ZNF7: variants seen among roughly 807,000 people sequenced by gnomAD.
ZNF7 encodes zinc finger protein 7.
ZNF7 carries 10 observed loss-of-function variants against 12.0 expected under a neutral mutation model. That is an observed-to-expected ratio of 0.83 (90% confidence interval 0.51 to 1.42). The LOEUF (loss-of-function observed/expected upper bound fraction) is 1.42, where lower values mean the gene tolerates loss of function less well. ZNF7 is among the 40% of genes most tolerant of loss of function. The probability of loss-of-function intolerance (pLI) is 0.00; values close to 1 mark genes in which losing one functional copy is unlikely to be tolerated. For synonymous variants in ZNF7, 334 were observed against 295.0 expected (o/e 1.13, Z -1.35); for missense variants, 854 against 837.2 (o/e 1.02, Z -0.25).
intron 4 of ZNF7, among the ~76,000 whole-genome samples, chr8:144,839,890 C>T (rs1053466574): frequency 2.0e-5 from 3 of 152,318 alleles, no homozygotes; most frequent in Non-Finnish European, 2.9e-5. Context: ...CTGGCATCCC[C>T]CAACAAAGCC....
intron 3 of ZNF7, chr8:144,836,113 A>C (rs1828956313): frequency 6.6e-6 from 1 of 152,246 alleles, no homozygotes; most frequent in South Asian, 2.1e-4. Flanking sequence ...TAGGAGGCTG[A>C]GGCAGGAGGA....
rs968453011 is a variant in ZNF7, at chr8:144,843,319, G to A, written c.*151G>A. 11 of 1,029,222 alleles carry A rather than the reference G, an allele frequency of 1.1e-5. No homozygotes were observed. Among genetic ancestry groups the A allele is most frequent in the Admixed American group, 3.0e-5 (1 of 33,566 alleles). The allele number at this position is 1,029,222 out of a possible 1,614,324, so 63.8% of individuals were successfully genotyped here. A position where few individuals can be genotyped will look rare whatever the true frequency, so the allele number is the denominator to read the frequency against. On this transcript the variant is annotated 3_prime_UTR_variant, in exon 5 of 5. Transcript: ENST00000532777. The stretch of plus-strand genomic sequence containing the variant: ...AATATCCAACTTCAGGCCGAGTGTG[G>A]TGGCTTATGCCTGTCATCCCAGCAC...
intron 3 of ZNF7, chr8:144,835,369 G>T (rs1828878764): frequency 6.6e-6 from 1 of 151,878 alleles, no homozygotes. Context: ...ATGCTCAGCT[G>T]TTTTTTCTTT....
intron 4 of ZNF7, among the ~76,000 whole-genome samples, chr8:144,839,098 T>C (rs1335040791): frequency 3.7e-3 from 6 of 1,638 alleles, no homozygotes; most frequent in African/African-American, 0.012. Flanking sequence ...TCCATTCATA[T>C]GCGCCTAGGG....
chr8:144,842,207 G>A lies in ZNF7; in HGVS notation c.1100G>A (p.Cys367Tyr), dbSNP rs1327956482. 4 of 1,614,162 alleles carry A rather than the reference G, an allele frequency of 2.5e-6. No individual in the cohort carries two copies. In the East Asian group the frequency reaches 6.7e-5, roughly 27 times the overall value. The change falls in exon 5 of 5, where the codon TGT becomes TAT. Residue 367 changes from cysteine to tyrosine, a missense_variant. Transcript: ENST00000532777. ...GAGAGGCCCTACCCTTGCAAGGAGT[G>A]TGGGAAGGCCTTCAGCCAGAGCTCC... Reference protein sequence around the residue: ...TGERPYPCKECGKAFSQSSTL... With the variant: ...TGERPYPCKEYGKAFSQSSTL...
In ZNF7 at chr8:144,829,461, G is replaced by GGT; in HGVS notation, c.4-10_4-9dup. 1 of 1,614,002 alleles carries GGT rather than the reference G, an allele frequency of 6.2e-7. No homozygotes were observed. Among genetic ancestry groups the GGT allele is most frequent in the Non-Finnish European group, 8.5e-7 (1 of 1,179,934 alleles). ...GGCACCCAGGGATTCCTGGGGTGCTGGTGTGTGTCCTTTCAGGAGGTGGTA... is the reference window on the plus strand; with the variant it reads ...GGCACCCAGGGATTCCTGGGGTGCTGGTGTGTGTGTCCTTTCAGGAGGTGGTA... On this transcript the variant is annotated splice_polypyrimidine_tract_variant and intron_variant, in intron 2 of 4. Transcript: ENST00000532777.
In ZNF7 at chr8:144,838,461, T is replaced by C. The variant is rs868866093; in HGVS notation, c.247+954T>C. On this transcript the variant is annotated intron_variant, in intron 4 of 4. Transcript: ENST00000532777. Reference sequence around the variant, plus strand: ...CTGCTCCCCTGCTTAGCCGGTGTGCTGCCCAGCATGACAAGGGAGATGGGT... The same window carrying C: ...CTGCTCCCCTGCTTAGCCGGTGTGCCGCCCAGCATGACAAGGGAGATGGGT... The C allele has an allele frequency of 7.7e-5, 26 of 336,582 alleles. 1 individual carries two copies. The highest frequency in any genetic ancestry group is 8.7e-4 in the Middle Eastern group (1 of 1,156). The allele number at this position is 336,582 out of a possible 1,614,324, so 20.8% of individuals were successfully genotyped here. A position where few individuals can be genotyped will look rare whatever the true frequency, so the allele number is the denominator to read the frequency against.
At chr8:144,830,260 C>G (rs1828286495) in intron 3 of ZNF7, among the ~76,000 whole-genome samples, 1 of 152,192 alleles carries the variant, frequency 6.6e-6, no homozygotes, top group African/African-American at 2.4e-5. Context: ...GTTGGTTGGC[C>G]AGGAGCTTCT....
chr8:144,830,915 T>C (rs1828379558), intron 3 of ZNF7: 1 of 457,734 alleles, frequency 2.2e-6, no homozygotes, highest in South Asian at 1.5e-5. Context: ...AGGGTACTTC[T>C]AATGTTTCTT....
In ZNF7 at chr8:144,841,720, A is replaced by C; in HGVS notation, c.613A>C (p.Ile205Leu). ...SQRCEECGKGIRATSDIALHW... is the reference protein window; with the variant it reads ...SQRCEECGKGLRATSDIALHW... ...GAGATGCGAGGAGTGTGGCAAAGGC[A>C]TCAGAGCCACTTCAGATATCGCTCT... Residue 205 changes from isoleucine to leucine, a missense_variant, in exon 5 of 5, where the codon ATC (isoleucine) becomes CTC (leucine). Coordinates refer to ENST00000532777, the MANE Select transcript of ZNF7 (RefSeq NM_003416.4). 1.2e-6 allele frequency: 2 copies of C among 1,614,194 alleles called. No homozygotes were observed. Among genetic ancestry groups the C allele is most frequent in the Non-Finnish European group, 1.7e-6 (2 of 1,180,040 alleles).
At chr8:144,846,182 T>C (rs1485966695), downstream of ZNF7, 2 of 1,535,970 alleles carry the variant, frequency 1.3e-6, no homozygotes, top group South Asian at 2.4e-5. Flanking sequence ...GGTCTGAAAA[T>C]TCCAGATTCT....
At chr8:144,845,608 T>G (rs188845997), downstream of ZNF7, among the ~76,000 whole-genome samples, 1 of 152,332 alleles carries the variant, frequency 6.6e-6, no homozygotes, top group Non-Finnish European at 1.5e-5. Context: ...ACACAGCATC[T>G]AATTAAGGCT....
chr8:144,835,442 G>A (rs1386527511), intron 3 of ZNF7: 1 of 152,066 alleles, frequency 6.6e-6, no homozygotes, highest in Non-Finnish European at 1.5e-5. Context: ...GCCTCAAGCA[G>A]TCCTGCCTTG....
At chr8:144,838,201 G>T (rs779720009) in intron 4 of ZNF7, 17 of 698,446 alleles carry the variant, frequency 2.4e-5, no homozygotes, top group Middle Eastern at 4.6e-4. Context: ...TTCTCCCTGC[G>T]TGTCTGTGTT....
downstream of ZNF7, chr8:144,845,828 A>C: frequency 1.4e-6 from 1 of 726,742 alleles, no homozygotes; most frequent in Non-Finnish European, 2.2e-6. Context: ...CCCTACTCAC[A>C]CCGGAACTTC....
rs547101397 is a variant in ZNF7 at position 144,843,154 on chromosome 8, A to G, written c.2047A>G (p.Ile683Val). The change falls in exon 5 of 5, where the codon ATT (isoleucine) becomes GTT (valine). Residue 683 changes from isoleucine (I) to valine (V), a missense_variant. Ile to Val is a conservative substitution (Grantham distance 29). Coordinates refer to ENST00000532777, the MANE Select transcript of ZNF7 (RefSeq NM_003416.4). ...CTCAAGGCTTACCCAGCATCAAAAAATTCACATGGGATAGACCACTTACAT... is the reference window on the plus strand; with the variant it reads ...CTCAAGGCTTACCCAGCATCAAAAAGTTCACATGGGATAGACCACTTACAT... ...RSSRLTQHQK[I>V]HMG is the part of the protein sequence containing the mutation. 66 of 1,590,312 alleles carry G rather than the reference A, an allele frequency of 4.2e-5. No individual in the cohort carries two copies. The highest frequency in any genetic ancestry group is 3.6e-4 in the Admixed American group (20 of 54,894).
Position 144,837,385 on chromosome 8 carries a change from A to G in ZNF7, c.131-6A>G. Reference sequence around the variant, plus strand: ...GACACTGTTGTCTTCTCTGCCGCACACACAGCAGGATTCCTGGTTTTCAAG... The same window carrying G: ...GACACTGTTGTCTTCTCTGCCGCACGCACAGCAGGATTCCTGGTTTTCAAG... On this transcript the variant is annotated splice_polypyrimidine_tract_variant and splice_region_variant and intron_variant, in intron 3 of 4. Transcript: ENST00000532777. 3 of 1,603,182 alleles carry G rather than the reference A, an allele frequency of 1.9e-6. No homozygotes were observed. Among genetic ancestry groups the G allele is most frequent in the East Asian group, 2.2e-5 (1 of 44,654 alleles).
Position 144,831,924 on chromosome 8 carries a change from A to C in ZNF7, c.130+2320A>C, listed in dbSNP as rs189134358. 3.1e-4 allele frequency among the ~76,000 whole-genome samples: 31 copies of C among 100,626 alleles called. 8 individuals are homozygous for C. In the East Asian group the frequency reaches 7.9e-3, roughly 26 times the overall value. 66.0% of individuals were successfully genotyped at this position (100,626 alleles called of 152,430 possible). ...CAGCTACTGGGGAGAGCGAGGAGGG[A>C]GGATTGCCTGAGCCTGGAAGGTCAA... is the stretch of plus-strand genomic sequence containing the variant. On this transcript the variant is annotated intron_variant, in intron 3 of 4. Coordinates refer to ENST00000532777, the MANE Select transcript of ZNF7 (RefSeq NM_003416.4).
intron 3 of ZNF7, among the ~76,000 whole-genome samples, chr8:144,831,423 A>G (rs1490506089): frequency 6.6e-6 from 1 of 152,216 alleles, no homozygotes; most frequent in East Asian, 1.9e-4. Context: ...GGTGTGTCAC[A>G]GCTGCCACCT....
Sources: gnomAD v4.1 joint callset for allele counts (sites outside exome capture counted in the v4.1 genomes callset) on GRCh38, gnomAD v4.1.1 for gene constraint, MANE v1.5 for transcripts, NCBI Gene and HGNC (gene_info 2026-07-23, HGNC 2026-07-21) for gene names.